Variants in AGO2 observed in about 807,000 individuals in gnomAD.
AGO2 encodes the protein argonaute RISC catalytic component 2.
A neutral mutation model predicts 102.3 loss-of-function variants in AGO2; 5 were observed. The observed-to-expected ratio is 0.05, with a 90% confidence interval of 0.03 to 0.10. AGO2 has a LOEUF of 0.10. Ranked by LOEUF, AGO2 falls within the 10% of genes least tolerant of loss-of-function variation. The pLI is 1.00. For synonymous variants in AGO2, 449 were observed against 473.1 expected (o/e 0.95, Z 0.66); for missense variants, 541 against 1,183.7 (o/e 0.46, Z 7.97).
At chr8:140,605,487 G>A (rs143505043) in intron 1 of AGO2, among the ~76,000 whole-genome samples, 64 of 152,384 alleles carry the variant, frequency 4.2e-4, no homozygotes, top group African/African-American at 1.5e-3. Context: ...GCTGAACACA[G>A]ACGGGGGTGC....
intron 13 of AGO2, among the ~76,000 whole-genome samples, chr8:140,546,604 T>C (rs1045550146): frequency 2.0e-5 from 3 of 152,250 alleles, no homozygotes; most frequent in Non-Finnish European, 4.4e-5. Context: ...GCGCACTGCC[T>C]GGCTTAGGAT....
chr8:140,550,140 A>G (rs754219774), intron 11 of AGO2, among the ~76,000 whole-genome samples: 12 of 152,110 alleles, frequency 7.9e-5, no homozygotes, highest in Non-Finnish European at 1.8e-4. Flanking sequence ...CCCCCTCTCT[A>G]GGCTTCCACC....
intron 10 of AGO2, among the ~76,000 whole-genome samples, chr8:140,552,314 A>C (rs2073012751): frequency 6.6e-6 from 1 of 152,222 alleles, no homozygotes; most frequent in Admixed American, 6.5e-5. Context: ...GTCAGCTCTC[A>C]GCCAGCTCTC....
At chr8:140,565,016 C>T (rs539406622) in intron 3 of AGO2, among the ~76,000 whole-genome samples, 40 of 152,254 alleles carry the variant, frequency 2.6e-4, no homozygotes, top group Middle Eastern at 3.4e-3. Flanking sequence ...TGCCTATAAT[C>T]CCAGCTACTT....
At chr8:140,626,604 G>C (rs1016364097) in intron 1 of AGO2, 8 of 152,262 alleles carry the variant, frequency 5.3e-5, no homozygotes, top group Admixed American at 2.0e-4. Context: ...GAGAGGTGAG[G>C]TGAGACACCC....
intron 2 of AGO2, among the ~76,000 whole-genome samples, chr8:140,574,137 C>A (rs1309273314): frequency 6.6e-6 from 1 of 150,846 alleles, no homozygotes; most frequent in African/African-American, 2.4e-5. Context: ...CCTCCACCCC[C>A]CAACCCCCAC....
At chr8:140,536,627 A>G (rs185545063) in intron 16 of AGO2, among the ~76,000 whole-genome samples, 1 of 152,284 alleles carries the variant, frequency 6.6e-6, no homozygotes, top group East Asian at 1.9e-4. Flanking sequence ...ATCCGGCCCT[A>G]ATATCTCTTT....
chr8:140,596,236 A>G (rs2073841822), intron 1 of AGO2, among the ~76,000 whole-genome samples: 1 of 152,104 alleles, frequency 6.6e-6, no homozygotes, highest in African/African-American at 2.4e-5. Flanking sequence ...TGGGAGAAGG[A>G]TGAATATTGG....
At chr8:140,549,358 C>T in intron 11 of AGO2, 60 bp from the exon 12 acceptor site, 1 of 1,497,606 alleles carries the variant, frequency 6.7e-7, no homozygotes. Context: ...CTCAGGCCGA[C>T]CAGAGGCTCT....
At chr8:140,604,233 G>A (rs1209469928) in intron 1 of AGO2, among the ~76,000 whole-genome samples, 6 of 152,194 alleles carry the variant, frequency 3.9e-5, no homozygotes, top group African/African-American at 7.2e-5. Context: ...GTGTACTGTC[G>A]GAAAGTTAGA....
intron 4 of AGO2, among the ~76,000 whole-genome samples, chr8:140,561,333 C>A (rs1380140292): frequency 6.6e-6 from 1 of 152,248 alleles, no homozygotes. Context: ...TCACTTTCCA[C>A]CTGAGACGTG....
intron 1 of AGO2, among the ~76,000 whole-genome samples, chr8:140,632,176 A>AGG (rs1466777793): frequency 1.3e-5 from 2 of 152,246 alleles, no homozygotes; most frequent in African/African-American, 4.8e-5. Flanking sequence ...CAAATTGCAC[A>AGG]GGGTTTAGGA....
intron 2 of AGO2, among the ~76,000 whole-genome samples, chr8:140,577,382 A>G (rs2073483780): frequency 6.6e-6 from 1 of 152,126 alleles, no homozygotes; most frequent in African/African-American, 2.4e-5. Context: ...AACACACTTA[A>G]CTGCAATGGG....
chr8:140,588,340 A>C (rs2073690057), intron 1 of AGO2, among the ~76,000 whole-genome samples: 1 of 152,208 alleles, frequency 6.6e-6, no homozygotes, highest in Non-Finnish European at 1.5e-5. Context: ...ACAATAAAGC[A>C]GGTCACACCA....
intron 2 of AGO2, among the ~76,000 whole-genome samples, chr8:140,574,726 T>C (rs992650175): frequency 5.9e-5 from 9 of 151,980 alleles, no homozygotes; most frequent in Non-Finnish European, 7.4e-5. Flanking sequence ...CTTGATTTTT[T>C]ACCAGGAAAT....
intron 1 of AGO2, among the ~76,000 whole-genome samples, chr8:140,620,604 C>A (rs544778602): frequency 3.6e-4 from 55 of 152,294 alleles, no homozygotes; most frequent in African/African-American, 1.3e-3. Context: ...GTGGCTCATG[C>A]CTGTAATCCC....
At chr8:140,618,148 C>A (rs1270820721) in intron 1 of AGO2, among the ~76,000 whole-genome samples, 1 of 151,978 alleles carries the variant, frequency 6.6e-6, no homozygotes, top group Non-Finnish European at 1.5e-5. Flanking sequence ...CGGTGAAACC[C>A]CGTCTCTACT....
intron 14 of AGO2, among the ~76,000 whole-genome samples, chr8:140,542,067 G>GC (rs1437390585): frequency 6.6e-6 from 1 of 152,154 alleles, no homozygotes; most frequent in African/African-American, 2.4e-5. Context: ...AGGCACACCA[G>GC]CCATGCAAGC....
At chr8:140,600,203 G>A (rs2073911797) in intron 1 of AGO2, among the ~76,000 whole-genome samples, 2 of 152,254 alleles carry the variant, frequency 1.3e-5, no homozygotes, top group African/African-American at 2.4e-5. Flanking sequence ...TTACAAAGAT[G>A]TCATTTACAA....
Sources: allele counts gnomAD v4.1 joint callset (sites outside exome capture counted in the v4.1 genomes callset), GRCh38; gene constraint gnomAD v4.1.1; transcripts MANE v1.5; gene names NCBI Gene and HGNC (gene_info 2026-07-23, HGNC 2026-07-21).